CLTCL1: variants seen among roughly 807,000 people sequenced by gnomAD.
CLTCL1 encodes the protein clathrin heavy chain 2.
In CLTCL1, 159 loss-of-function variants were observed where a neutral mutation model predicts 190.0. That is an observed-to-expected ratio of 0.84 (90% CI 0.74 to 0.95). The LOEUF is 0.95. CLTCL1 is among the 40% of genes least tolerant of loss of function. The pLI, the probability that CLTCL1 is intolerant of heterozygous loss-of-function variation, is 0.00. For synonymous variants in CLTCL1, 752 were observed against 769.6 expected, an observed-to-expected ratio of 0.98 and a Z score of 0.38; for missense variants, 1,878 against 2,033.4, an observed-to-expected ratio of 0.92 and a Z score of 1.47.
chr22:19,263,790 T>A (rs2087032100), intron 2 of CLTCL1, among the ~76,000 whole-genome samples: 2 of 152,234 alleles, frequency 1.3e-5, no homozygotes, highest in South Asian at 4.1e-4. Flanking sequence ...GATTACAGCA[T>A]AGTATAAACA....
At position 19,234,489 on chromosome 22, in the gene CLTCL1, C is replaced by A. The variant is rs782719761; in HGVS notation, c.1167+20G>T. 2 of 1,587,836 alleles carry A rather than the reference C, an allele frequency of 1.3e-6. No individual in the cohort carries two copies. The highest frequency in any genetic ancestry group is 4.5e-5 in the East Asian group (2 of 44,474). On this transcript the variant is annotated intron_variant, in intron 7 of 32. Coordinates refer to ENST00000427926, the MANE Select transcript of CLTCL1 (RefSeq NM_007098.4). ...GTTCTTAACACTCAGAACACTTGAA[C>A]AGTATTCAAGGTTTATCACCTTTGG...
chr22:19,197,693 C>T (rs868966536), intron 24 of CLTCL1, among the ~76,000 whole-genome samples: 1 of 152,182 alleles, frequency 6.6e-6, no homozygotes, highest in Non-Finnish European at 1.5e-5. Flanking sequence ...CTCCAGGTCA[C>T]AAGCAGCCCC....
rs572424136 is a variant in CLTCL1 at position 19,180,249 on chromosome 22, C to T, written c.4904-11G>A. On this transcript the variant is annotated splice_polypyrimidine_tract_variant and intron_variant, in intron 31 of 32. Transcript: ENST00000427926. ...CATGCCCATCAAAATCTAAAAAAAC[C>T]AGAATGACATTAATGGTGGAAGGAC... The T allele has an allele frequency of 1.2e-6, 2 of 1,613,704 alleles. No homozygotes were observed. The highest frequency in any genetic ancestry group is 1.3e-5 in the African/African-American group (1 of 75,026).
intron 10 of CLTCL1, 52 bp downstream of exon 10, chr22:19,232,424 C>A (rs1555959464): frequency 6.2e-7 from 1 of 1,610,612 alleles, no homozygotes; most frequent in Non-Finnish European, 8.5e-7. Flanking sequence ...AAGAAATCTT[C>A]TAGATGGCTC....
chr22:19,180,944 G>T, intron 30 of CLTCL1, 138 bp from the exon 31 acceptor site: 1 of 730,822 alleles, frequency 1.4e-6, no homozygotes, highest in Non-Finnish European at 2.4e-6. Context: ...CAGATGTGGA[G>T]TGGCTCAGCC....
chr22:19,237,679 A>G (rs2145912573), intron 5 of CLTCL1, among the ~76,000 whole-genome samples: 1 of 152,362 alleles, frequency 6.6e-6, no homozygotes, highest in South Asian at 2.1e-4. Flanking sequence ...AAATCCACAG[A>G]ACAGATGACA....
chr22:19,287,682 G>A (rs149849029), intron 1 of CLTCL1, among the ~76,000 whole-genome samples: 7 of 152,212 alleles, frequency 4.6e-5, no homozygotes, highest in South Asian at 2.1e-4. Flanking sequence ...TTAGGGAAAC[G>A]GTAGTCATGA....
intron 1 of CLTCL1, among the ~76,000 whole-genome samples, chr22:19,290,424 C>T (rs1350476690): frequency 6.6e-6 from 1 of 152,166 alleles, no homozygotes; most frequent in Admixed American, 6.5e-5. Flanking sequence ...TAAATGATAA[C>T]TACATCATCA....
At chr22:19,199,879 A>G in intron 23 of CLTCL1, 38 bp from the exon 24 acceptor site, 8 of 1,400,392 alleles carry the variant, frequency 5.7e-6, no homozygotes, top group Non-Finnish European at 6.9e-6. Flanking sequence ...TCCCCAAGAC[A>G]GGACACAGCA....
intron 29 of CLTCL1, 126 bp from the exon 30 acceptor site, chr22:19,183,737 C>G (rs1367607674): frequency 2.2e-6 from 2 of 911,820 alleles, no homozygotes; most frequent in East Asian, 5.3e-5. Context: ...GTGGAGCAAG[C>G]CTGGACCCAT....
In CLTCL1 at chr22:19,187,199, C is replaced by CTT. The variant is rs776877544; in HGVS notation, c.4605+358_4605+359insAA. Among the ~76,000 whole-genome samples the CTT allele has an allele frequency of 2.3e-3, 350 of 152,270 alleles. 3 individuals carry two copies. Among genetic ancestry groups the CTT allele is most frequent in the Admixed American group, 3.7e-3 (56 of 15,302 alleles). ...TCAACCTCCCAAAGTGCTGAGATTA[C>CTT]AGGGAAGTTCCCAAATCTTGATAGG... On this transcript the variant is annotated intron_variant, in intron 29 of 32. Transcript: ENST00000427926.
At position 19,198,974 on chromosome 22, in the gene CLTCL1, T is replaced by TG. The variant is rs2084794921; in HGVS notation, c.3873+759dup. Among the ~76,000 whole-genome samples, 1 of 152,002 alleles carries TG rather than the reference T, an allele frequency of 6.6e-6. No individual in the cohort carries two copies. The highest frequency in any genetic ancestry group is 1.5e-5 in the Non-Finnish European group (1 of 68,012). ...CATTTCTCAGGCGCCTCTCTGGGGG[T>TG]GGGAAAGCATTTCTCATTGAAAAGC... On this transcript the variant is annotated intron_variant, in intron 24 of 32. Transcript: ENST00000427926. The surrounding 1 kb of genome is among the most constrained non-coding windows in gnomAD (Gnocchi z 4.1).
At chr22:19,269,360 A>G (rs888565258) in intron 2 of CLTCL1, among the ~76,000 whole-genome samples, 3 of 152,156 alleles carry the variant, frequency 2.0e-5, no homozygotes, top group Non-Finnish European at 4.4e-5. Flanking sequence ...ATATCATGCC[A>G]TTGCACTCCA....
rs1319211742 is a variant in CLTCL1, at chr22:19,212,571, AAGAAAGAAAGAAAG to A, written c.3066-2076_3066-2063del. 4.8e-5 allele frequency among the ~76,000 whole-genome samples: 7 copies of A among 147,058 alleles called. No individual in the cohort carries two copies. In the South Asian group the frequency reaches 6.5e-4, roughly 14 times the overall value. Reference sequence around the variant, plus strand: ...GGGAGACCCTATTGAAAGAAAGAGAAAGAAAGAAAGAAAGAGAAAGAAAGAAAGAAAGGAAGGAA... The same window carrying A: ...GGGAGACCCTATTGAAAGAAAGAGAAAGAAAGAAAGAAAGAAAGGAAGGAA... On this transcript the variant is annotated intron_variant, in intron 19 of 32. Transcript: ENST00000427926.
chr22:19,235,415 C>A (rs1898395303), intron 6 of CLTCL1, among the ~76,000 whole-genome samples: 1 of 152,084 alleles, frequency 6.6e-6, no homozygotes. Flanking sequence ...CTTTTTCAAC[C>A]CTCCCCAGTT....
intron 18 of CLTCL1, among the ~76,000 whole-genome samples, chr22:19,216,579 C>T (rs531327895): frequency 2.6e-5 from 4 of 152,304 alleles, no homozygotes; most frequent in Non-Finnish European, 5.9e-5. Context: ...AAATATGGCT[C>T]CACTTCTCTA....
In CLTCL1 at chr22:19,254,155, ACTT is replaced by A. The variant is rs1364607252; in HGVS notation, c.320_322del (p.Glu107del). ...CACAGAAACCCATTTCCAGAAAATC[ACTT>A]CTTCTGCCATAGTATGAGCCTTCAT... is the stretch of plus-strand genomic sequence containing the variant. On this transcript the variant is annotated inframe_deletion, in exon 3 of 33. Transcript: ENST00000427926. The A allele has an allele frequency of 3.1e-6, 5 of 1,613,848 alleles. No individual in the cohort carries two copies. The highest frequency in any genetic ancestry group is 1.3e-5 in the African/African-American group (1 of 75,036).
intron 26 of CLTCL1, 119 bp downstream of exon 26, chr22:19,196,147 C>G: frequency 1.0e-6 from 1 of 1,001,682 alleles, no homozygotes; most frequent in South Asian, 1.6e-5. Flanking sequence ...TACAAGTGAA[C>G]GCACACACAG....
At chr22:19,274,316 AC>A (rs1306607043) in intron 2 of CLTCL1, among the ~76,000 whole-genome samples, 1 of 152,178 alleles carries the variant, frequency 6.6e-6, no homozygotes, top group Non-Finnish European at 1.5e-5. Context: ...TTTTTTAAGT[AC>A]TACAACAACA....
Sources: allele counts gnomAD v4.1 joint callset (sites outside exome capture counted in the v4.1 genomes callset), GRCh38; gene constraint gnomAD v4.1.1; non-coding constraint Gnocchi (gnomAD v3.1); transcripts MANE v1.5; gene names NCBI Gene and HGNC (gene_info 2026-07-23, HGNC 2026-07-21).